IL1RAPL1: variants seen among roughly 807,000 people sequenced by gnomAD.
IL1RAPL1 encodes the protein interleukin-1 receptor accessory protein-like 1.
IL1RAPL1 carries 3 observed loss-of-function variants against 48.4 expected under a neutral mutation model. That is an observed-to-expected ratio of 0.06 (90% CI 0.03 to 0.16). The LOEUF (loss-of-function observed/expected upper bound fraction) is 0.16. IL1RAPL1 is among the 10% of genes least tolerant of loss of function. The probability of loss-of-function intolerance (pLI) is 1.00; values close to 1 mark genes in which losing one functional copy is unlikely to be tolerated. For missense variants in IL1RAPL1, 349 were observed against 530.6 expected, an observed-to-expected ratio of 0.66 and a Z score of 3.36; for synonymous variants, 185 against 187.7, an observed-to-expected ratio of 0.99 and a Z score of 0.12.
intron 3 of IL1RAPL1, among the ~76,000 whole-genome samples, chrX:29,333,612 C>T (rs1231693775): frequency 1.1e-5 from 1 of 88,697 alleles, no homozygotes; most frequent in Non-Finnish European, 2.2e-5. Context: ...CCAGACGGGG[C>T]GGCTGGCCGG....
Position 29,941,655 on chromosome X carries a change from A to C in IL1RAPL1, c.1062A>C (p.Leu354=). The change falls in exon 9 of 11, where the codon CTA becomes CTC. Residue 354 remains leucine, a synonymous_variant. Coordinates refer to ENST00000378993, the MANE Select transcript of IL1RAPL1 (RefSeq NM_014271.4). ...HASVLLHKRE[L]MYTVELAGGL... The stretch of plus-strand genomic sequence containing the variant: ...ATTGTGGTTTTTTCTTTCTAGAGCT[A>C]ATGTACACAGTGGAACTTGCTGGAG... The C allele has an allele frequency of 8.3e-7, 1 of 1,210,118 alleles. No individual in the cohort carries two copies. Among genetic ancestry groups the C allele is most frequent in the Non-Finnish European group, 1.1e-6 (1 of 893,957 alleles).
intron 1 of IL1RAPL1, among the ~76,000 whole-genome samples, chrX:28,714,797 G>A (rs770869996): frequency 8.9e-6 from 1 of 111,923 alleles, no homozygotes; most frequent in Non-Finnish European, 1.9e-5. Context: ...AGCTTTTCTG[G>A]AAAGAAGAGG....
chrX:29,726,804 G>A (rs1015741053), intron 6 of IL1RAPL1, among the ~76,000 whole-genome samples: 10 of 111,575 alleles, frequency 9.0e-5, no homozygotes, highest in African/African-American at 2.6e-4. Flanking sequence ...AACAGAGTGA[G>A]ATCTGATCTC....
intron 2 of IL1RAPL1, among the ~76,000 whole-genome samples, chrX:29,140,746 C>T (rs1371442668): frequency 1.8e-5 from 2 of 111,664 alleles, no homozygotes; most frequent in East Asian, 2.8e-4. Flanking sequence ...GGTGAGGGCT[C>T]GTTCTCTGCT....
intron 1 of IL1RAPL1, among the ~76,000 whole-genome samples, chrX:28,673,526 A>G (rs1276089871): frequency 8.9e-6 from 1 of 112,077 alleles, no homozygotes; most frequent in Non-Finnish European, 1.9e-5. Flanking sequence ...TCTTCCCTTA[A>G]AAGGTCACTA....
At chrX:28,590,702 CCTT>C (rs1933899409) in intron 1 of IL1RAPL1, among the ~76,000 whole-genome samples, 1 of 111,358 alleles carries the variant, frequency 9.0e-6, no homozygotes. Flanking sequence ...TTTTCCTACT[CCTT>C]CTTTCAATAT....
intron 6 of IL1RAPL1, among the ~76,000 whole-genome samples, chrX:29,783,276 T>C (rs945882752): frequency 9.0e-6 from 1 of 110,695 alleles, no homozygotes; most frequent in Non-Finnish European, 1.9e-5. Context: ...CAATAGGAAG[T>C]AGAAAGTGGT....
At chrX:29,316,436 C>T (rs760123661) in intron 3 of IL1RAPL1, among the ~76,000 whole-genome samples, 9 of 112,158 alleles carry the variant, frequency 8.0e-5, no homozygotes, top group Non-Finnish European at 1.5e-4. Flanking sequence ...CCCAAACATA[C>T]GTCTTTTTAT....
intron 2 of IL1RAPL1, among the ~76,000 whole-genome samples, chrX:29,045,922 C>CTCCTCCTCCTCCTCCTTCT (rs1926949680): frequency 2.1e-5 from 1 of 47,534 alleles, no homozygotes; most frequent in Non-Finnish European, 3.3e-5. Context: ...CTCCTTCTTC[C>CTCCTCCTCCTCCTCCTTCT]TCCTCCTCCT....
chrX:29,498,193 C>G (rs1935234011), intron 5 of IL1RAPL1, among the ~76,000 whole-genome samples: 1 of 111,989 alleles, frequency 8.9e-6, no homozygotes, highest in African/African-American at 3.2e-5. Flanking sequence ...GTCTACATCA[C>G]CATTGCTTCC....
intron 6 of IL1RAPL1, among the ~76,000 whole-genome samples, chrX:29,813,078 G>A (rs1477700853): frequency 9.0e-6 from 1 of 111,345 alleles, no homozygotes; most frequent in African/African-American, 3.3e-5. Flanking sequence ...AAAAACATAT[G>A]TTTCTCATTG....
chrX:29,037,006 A>G (rs1279854317), intron 2 of IL1RAPL1, among the ~76,000 whole-genome samples: 1 of 112,289 alleles, frequency 8.9e-6, no homozygotes, highest in East Asian at 2.8e-4. Flanking sequence ...AAAGCTGTAC[A>G]TTATGTTAAA....
intron 5 of IL1RAPL1, among the ~76,000 whole-genome samples, chrX:29,402,609 G>A (rs759001186): frequency 5.4e-5 from 6 of 111,105 alleles, no homozygotes; most frequent in East Asian, 5.6e-4. Flanking sequence ...TGGTATATTC[G>A]TTATAGTTAA....
At chrX:28,683,353 ATC>A (rs1935081269) in intron 1 of IL1RAPL1, among the ~76,000 whole-genome samples, 2 of 106,819 alleles carry the variant, frequency 1.9e-5, no homozygotes, top group South Asian at 4.0e-4. Context: ...GAGAGGAAAT[ATC>A]TCTTTTTTTT....
intron 1 of IL1RAPL1, among the ~76,000 whole-genome samples, chrX:28,642,224 C>T (rs1934553462): frequency 9.0e-6 from 1 of 111,117 alleles, no homozygotes; most frequent in South Asian, 3.9e-4. Flanking sequence ...GAGACTTTAA[C>T]ACCCCACTGT....
chrX:29,177,487 A>G (rs1267072270), intron 2 of IL1RAPL1, among the ~76,000 whole-genome samples: 1 of 112,231 alleles, frequency 8.9e-6, no homozygotes, highest in East Asian at 2.8e-4. Flanking sequence ...TTTCATTTGA[A>G]ATATACTTGG....
intron 6 of IL1RAPL1, among the ~76,000 whole-genome samples, chrX:29,752,878 C>T (rs1928524542): frequency 8.9e-6 from 1 of 111,909 alleles, no homozygotes; most frequent in Admixed American, 9.5e-5. Flanking sequence ...TAGCTTTACC[C>T]TGTGGTCTCA....
At chrX:28,999,117 C>T (rs1273338918) in intron 2 of IL1RAPL1, among the ~76,000 whole-genome samples, 1 of 111,074 alleles carries the variant, frequency 9.0e-6, no homozygotes, top group Non-Finnish European at 1.9e-5. Flanking sequence ...GAGCTCTCTG[C>T]AATTGGGAAG....
chrX:29,796,668 G>A (rs2147165167), intron 6 of IL1RAPL1, among the ~76,000 whole-genome samples: 1 of 111,739 alleles, frequency 8.9e-6, no homozygotes, highest in East Asian at 2.8e-4. Flanking sequence ...CTGTTTCTTT[G>A]GTCAACACAG....
Sources: gnomAD v4.1 joint callset for allele counts (sites outside exome capture counted in the v4.1 genomes callset) on GRCh38, gnomAD v4.1.1 for gene constraint, MANE v1.5 for transcripts, NCBI Gene and HGNC (gene_info 2026-07-23, HGNC 2026-07-21) for gene names.